PRKAG2: variants seen among roughly 807,000 people sequenced by gnomAD.
PRKAG2 encodes the protein 5'-AMP-activated protein kinase subunit gamma-2.
Under a neutral mutation model 69.6 loss-of-function variants are expected in PRKAG2, and 26 were observed. The ratio of observed to expected loss-of-function variants is 0.37; its 90% confidence interval spans 0.27 to 0.52. The LOEUF is 0.52. Ranked by LOEUF, PRKAG2 falls within the 20% of genes least tolerant of loss-of-function variation. The probability of loss-of-function intolerance (pLI) is 0.90; values close to 1 mark genes in which losing one functional copy is unlikely to be tolerated. For synonymous variants in PRKAG2, 293 were observed against 285.0 expected (o/e 1.03, Z -0.28); for missense variants, 557 against 740.0 (o/e 0.75, Z 2.87).
intron 1 of PRKAG2, among the ~76,000 whole-genome samples, chr7:151,805,458 A>G (rs907723509): frequency 1.3e-5 from 2 of 152,202 alleles, no homozygotes; most frequent in Non-Finnish European, 1.5e-5. Flanking sequence ...AAATCCATGA[A>G]AGATGATTTC....
intron 15 of PRKAG2, chr7:151,558,373 C>A: frequency 1.0e-6 from 1 of 985,436 alleles, no homozygotes; most frequent in Non-Finnish European, 1.2e-6. Flanking sequence ...GGCACTGCGC[C>A]TCATTGCACA....
intron 3 of PRKAG2, among the ~76,000 whole-genome samples, chr7:151,688,896 C>T (rs1486787261): frequency 6.6e-6 from 1 of 152,108 alleles, no homozygotes; most frequent in East Asian, 1.9e-4. Flanking sequence ...TCAAAATGTT[C>T]ACGTGGTTCC....
intron 3 of PRKAG2, among the ~76,000 whole-genome samples, chr7:151,775,918 G>A (rs774214598): frequency 1.6e-4 from 25 of 152,206 alleles, no homozygotes; most frequent in Non-Finnish European, 3.5e-4. Context: ...TACAGTCTGG[G>A]AACCCTGATC....
rs150334543 is a variant in PRKAG2, at chr7:151,726,321, C to T, written c.467-50684G>A. ...CATGCAGGGCGCCAGGTTAGGAAGC[C>T]TGGGGAAGTGAAGACACAGCACCTG... On this transcript the variant is annotated intron_variant, in intron 3 of 15. Transcript: ENST00000287878. 1.4e-3 allele frequency among the ~76,000 whole-genome samples: 205 copies of T among 151,662 alleles called. 1 individual carries two copies. Among genetic ancestry groups the T allele is most frequent in the African/African-American group, 4.9e-3 (201 of 41,308 alleles).
At chr7:151,867,181 G>C (rs2151911133) in intron 1 of PRKAG2, among the ~76,000 whole-genome samples, 1 of 152,320 alleles carries the variant, frequency 6.6e-6, no homozygotes, top group South Asian at 2.1e-4. Flanking sequence ...CTCAGTGCAA[G>C]CCCCTGCCCT....
intron 5 of PRKAG2, among the ~76,000 whole-genome samples, chr7:151,598,564 G>C (rs1159681569): frequency 6.6e-6 from 1 of 151,556 alleles, no homozygotes; most frequent in African/African-American, 2.4e-5. Context: ...CCATAAATAT[G>C]TACAATTATG....
chr7:151,832,597 G>GGT (rs1554614846), intron 1 of PRKAG2, among the ~76,000 whole-genome samples: 2 of 150,818 alleles, frequency 1.3e-5, no homozygotes, highest in Non-Finnish European at 3.0e-5. Flanking sequence ...GGCATCTCTG[G>GGT]GGGGGGGGTC....
chr7:151,822,189 T>C (rs906442665), intron 1 of PRKAG2, among the ~76,000 whole-genome samples: 2 of 152,118 alleles, frequency 1.3e-5, no homozygotes, highest in African/African-American at 4.8e-5. Context: ...CAGCCTCCTC[T>C]GGGTGGGATG....
intron 3 of PRKAG2, among the ~76,000 whole-genome samples, chr7:151,694,366 C>T (rs922457098): frequency 6.6e-6 from 1 of 152,248 alleles, no homozygotes; most frequent in African/African-American, 2.4e-5. Context: ...GCATTAACCA[C>T]ACTGCTGTGC....
rs530121529 is a variant in PRKAG2 at position 151,596,681 on chromosome 7, G to A, written c.755-1227C>T. 1.2e-4 allele frequency among the ~76,000 whole-genome samples: 18 copies of A among 152,214 alleles called. 1 individual carries two copies. The South Asian group carries it at 2.7e-3, about 23-fold the overall frequency. On this transcript the variant is annotated intron_variant, in intron 5 of 15. Transcript: ENST00000287878. The stretch of plus-strand genomic sequence containing the variant: ...CGAGAATTGCTTGAACCTGGGAGGC[G>A]GAGGTTGTAGTGGGCTGAGATTGCG...
At chr7:151,764,734 G>C (rs937793805) in intron 3 of PRKAG2, among the ~76,000 whole-genome samples, 8 of 152,370 alleles carry the variant, frequency 5.3e-5, no homozygotes, top group Non-Finnish European at 1.2e-4. Flanking sequence ...AGAGCCAGGA[G>C]GTGGGGGCAG....
chr7:151,572,476 G>A (rs1484346366), intron 9 of PRKAG2, 188 bp downstream of exon 9: 2 of 502,008 alleles, frequency 4.0e-6, no homozygotes, highest in Non-Finnish European at 7.2e-6. Flanking sequence ...ATAAACAGAA[G>A]GGACAATACT....
chr7:151,615,350 G>T (rs1819859762), intron 5 of PRKAG2, among the ~76,000 whole-genome samples: 1 of 152,216 alleles, frequency 6.6e-6, no homozygotes, highest in Non-Finnish European at 1.5e-5. Flanking sequence ...ACATGCATGT[G>T]CCTTTATGGT....
chr7:151,636,024 AT>A lies in PRKAG2; in HGVS notation c.685-3887del, dbSNP rs113433056. 3.3e-5 allele frequency among the ~76,000 whole-genome samples: 5 copies of A among 150,136 alleles called. 1 individual carries two copies. Among genetic ancestry groups the A allele is most frequent in the Non-Finnish European group, 7.4e-5 (5 of 67,302 alleles). The stretch of plus-strand genomic sequence containing the variant: ...CTAGGACTACAGGCTAATTTTTTGT[AT>A]TTTTTTTAGTAGAGACTGGGTTTCA... On this transcript the variant is annotated intron_variant, in intron 4 of 15. Transcript: ENST00000287878.
intron 1 of PRKAG2, among the ~76,000 whole-genome samples, chr7:151,826,516 A>G (rs1328228119): frequency 1.3e-5 from 2 of 151,702 alleles, no homozygotes; most frequent in African/African-American, 2.4e-5. Flanking sequence ...TCCTCTTTCC[A>G]TTTCCAGCTC....
intron 5 of PRKAG2, among the ~76,000 whole-genome samples, chr7:151,604,462 T>C (rs113907466): frequency 0.045 from 6,810 of 151,940 alleles, 498 homozygotes; most frequent in African/African-American, 0.16. Context: ...CATAGTGAGA[T>C]CCCGTTTCTA....
At chr7:151,686,495 C>T (rs890229074) in intron 3 of PRKAG2, among the ~76,000 whole-genome samples, 1 of 152,162 alleles carries the variant, frequency 6.6e-6, no homozygotes, top group Non-Finnish European at 1.5e-5. Flanking sequence ...CATGCAGAAA[C>T]GCCCTGGAAT....
At chr7:151,621,648 C>A (rs1821514096) in intron 5 of PRKAG2, among the ~76,000 whole-genome samples, 1 of 152,226 alleles carries the variant, frequency 6.6e-6, no homozygotes, top group African/African-American at 2.4e-5. Context: ...TCCTGGCTCT[C>A]TGCCACCTCC....
chr7:151,640,554 CT>C (rs1341520452), intron 4 of PRKAG2, among the ~76,000 whole-genome samples: 1 of 151,840 alleles, frequency 6.6e-6, no homozygotes, highest in Non-Finnish European at 1.5e-5. Context: ...TTGTTTCTTC[CT>C]CCTTTCCTTG....
Sources: allele counts gnomAD v4.1 joint callset (sites outside exome capture counted in the v4.1 genomes callset), GRCh38; gene constraint gnomAD v4.1.1; transcripts MANE v1.5; gene names NCBI Gene and HGNC (gene_info 2026-07-23, HGNC 2026-07-21).